The following PLXNB1 variants were observed in gnomAD, a reference collection of about 807,000 sequenced individuals.
PLXNB1 encodes plexin B1.
A neutral mutation model predicts 209.4 loss-of-function variants in PLXNB1; 106 were observed. The ratio of observed to expected loss-of-function variants is 0.51; its 90% CI spans 0.43 to 0.59. The LOEUF (loss-of-function observed/expected upper bound fraction) is 0.59. Among genes scored for constraint, PLXNB1 ranks in the 20% least tolerant of loss-of-function variants. The pLI is 0.00. For synonymous variants in PLXNB1, 1,167 were observed against 1,183.2 expected (o/e 0.99, Z 0.28); for missense variants, 2,357 against 2,853.2 (o/e 0.83, Z 3.96).
In PLXNB1 at chr3:48,404,582, A is replaced by C. The variant is rs1335377599; in HGVS notation, c.6312T>G (p.Thr2104=). 1.2e-6 allele frequency: 2 copies of C among 1,610,908 alleles called. No individual in the cohort carries two copies. Among genetic ancestry groups the C allele is most frequent in the African/African-American group, 1.3e-5 (1 of 74,796 alleles). ...GGGCCGTGCCATCCTCCTCCAGGGC[A>C]GTGATGATCTGAAACAGAGACCAAT... ...YINKYYDQII[T]ALEEDGTAQK... is the part of the protein sequence containing the mutation. Residue 2104 remains threonine, a synonymous_variant, in exon 38 of 38, where the codon ACT becomes ACG. Coordinates refer to ENST00000296440, the MANE Select transcript of PLXNB1 (RefSeq NM_001130082.3).
intron 24 of PLXNB1, 28 bp from the exon 25 acceptor site, chr3:48,412,987 C>T (rs552593490): frequency 1.2e-6 from 2 of 1,611,504 alleles, no homozygotes; most frequent in East Asian, 4.5e-5. Flanking sequence ...CCAGGTTAAG[C>T]ACCTGTTAAG....
Position 48,424,261 on chromosome 3 carries a change from C to G in PLXNB1, c.351G>C (p.Gly117=). The G allele has an allele frequency of 1.3e-6, 2 of 1,599,638 alleles. No homozygotes were observed. Among genetic ancestry groups the G allele is most frequent in the Non-Finnish European group, 1.7e-6 (2 of 1,173,544 alleles). The change falls in exon 3 of 38, where the codon GGG becomes GGC. Residue 117 remains glycine (G), a synonymous_variant. Coordinates refer to ENST00000296440, the MANE Select transcript of PLXNB1 (RefSeq NM_001130082.3). ...ALVVCGSVHQ[G]VCEQRRLGQL... ...GCCCCAGGCGCCGCTGTTCACAGACCCCCTGGTGCACGCTCCCGCATACCA... is the reference window on the plus strand; with the variant it reads ...GCCCCAGGCGCCGCTGTTCACAGACGCCCTGGTGCACGCTCCCGCATACCA...
In PLXNB1 at chr3:48,420,119, C is replaced by G. The variant is rs777007476; in HGVS notation, c.2167G>C (p.Asp723His). The G allele has an allele frequency of 6.2e-7, 1 of 1,613,114 alleles. No homozygotes were observed. The highest frequency in any genetic ancestry group is 8.5e-7 in the Non-Finnish European group (1 of 1,179,796). Residue 723 changes from aspartate (D) to histidine (H), a missense_variant, in exon 11 of 38, where the codon GAC becomes CAC. By Grantham distance (81) the Asp-to-His change is moderately conservative. Around this residue, in one of 7 missense-constraint regions of PLXNB1, gnomAD observed 410 missense variants for 401.0 expected, o/e 1.02. Transcript: ENST00000296440. ...GAAGGACTAGCCCCAGGTGAGATGT[C>G]CGAAGCTGTGGCTGTGGAGGGAGCC... ...PGAPSTATAS[D>H]ISPGASPSLL...
intron 34 of PLXNB1, among the ~76,000 whole-genome samples, chr3:48,408,343 T>C (rs1450349267): frequency 6.6e-6 from 1 of 152,040 alleles, no homozygotes; most frequent in Non-Finnish European, 1.5e-5. Flanking sequence ...GGTGTAGGGA[T>C]GTATCTCTCA....
At chr3:48,421,205 G>A (rs766807496) in intron 8 of PLXNB1, 23 bp downstream of exon 8, 2 of 1,610,350 alleles carry the variant, frequency 1.2e-6, no homozygotes, top group Admixed American at 3.4e-5. Context: ...GCCCCCACCA[G>A]GCTGGCCCAT....
chr3:48,406,089 AC>A lies in PLXNB1; in HGVS notation c.6229-292del. 1 of 354,262 alleles carries A rather than the reference AC, an allele frequency of 2.8e-6. No homozygotes were observed. Among genetic ancestry groups the A allele is most frequent in the Non-Finnish European group, 5.4e-6 (1 of 184,614 alleles). 21.9% of individuals were successfully genotyped at this position (354,262 alleles called of 1,614,324 possible). A position where few individuals can be genotyped will look rare whatever the true frequency, so the allele number is the denominator to read the frequency against. ...TTTCCACTGAAGCCCTGCCTCTCTC[AC>A]CCCCTTGAGGTTCTAGCCCAGACCC... On this transcript the variant is annotated intron_variant, in intron 36 of 37. Transcript: ENST00000296440. This position sits in a 1 kb window ranked among gnomAD's most constrained non-coding sequence, Gnocchi z 4.4.
chr3:48,406,724 G>T lies in PLXNB1; in HGVS notation c.6228+99C>A. ...CCCAACCAGCTCACAGGGCTGCTGA[G>T]GTTCCCAAGGGCTTCCCTGCAAAGG... On this transcript the variant is annotated intron_variant, in intron 36 of 37. Coordinates refer to ENST00000296440, the MANE Select transcript of PLXNB1 (RefSeq NM_001130082.3). The surrounding 1 kb of genome is among the most constrained non-coding windows in gnomAD (Gnocchi z 4.4). 1 of 1,477,508 alleles carries T rather than the reference G, an allele frequency of 6.8e-7. No homozygotes were observed. The highest frequency in any genetic ancestry group is 9.0e-7 in the Non-Finnish European group (1 of 1,109,772). 91.5% of individuals were successfully genotyped at this position (1,477,508 alleles called of 1,614,324 possible).
In PLXNB1 at chr3:48,415,644, G is replaced by A; in HGVS notation, c.3733C>T (p.Gln1245Ter). 6.3e-7 allele frequency: 1 copy of A among 1,579,636 alleles called. No homozygotes were observed. Among genetic ancestry groups the A allele is most frequent in the Non-Finnish European group, 8.6e-7 (1 of 1,162,450 alleles). The change falls in exon 19 of 38, where the codon CAG becomes TAG. Residue 1245 changes from glutamine to a stop codon, truncating the protein, a stop_gained. Coordinates refer to ENST00000296440, the MANE Select transcript of PLXNB1 (RefSeq NM_001130082.3). LOFTEE classifies it high-confidence loss of function. The surrounding 1 kb of genome is among the most constrained non-coding windows in gnomAD (Gnocchi z 5.0). ...GATERRLQRGQFKYTLDPNIT... is the reference protein window; with the variant it reads ...GATERRLQRG ...TTGGGGTCCAAGGTATACTTGAACT[G>A]TCCGCGTTGAAGCCTCCGCTCCGTG...
rs995074254 is a variant in PLXNB1 at position 48,417,269 on chromosome 3, T to C, written c.3374+642A>G. Among the ~76,000 whole-genome samples, 9 of 152,192 alleles carry C rather than the reference T, an allele frequency of 5.9e-5. No individual in the cohort carries two copies. Among genetic ancestry groups the C allele is most frequent in the Non-Finnish European group, 1.2e-4 (8 of 68,038 alleles). ...TGGGCCTCCTGAATCCAGATGTTTG[T>C]GTTGGTTTGGGACAGGATCTGCAGG... is the stretch of plus-strand genomic sequence containing the variant. On this transcript the variant is annotated intron_variant, in intron 16 of 37. Transcript: ENST00000296440. This position sits in a 1 kb window ranked among gnomAD's most constrained non-coding sequence, Gnocchi z 4.4.
rs530674791 is a variant in PLXNB1, at chr3:48,412,372, C to A, written c.5034-68G>T. On this transcript the variant is annotated intron_variant, in intron 26 of 37. Coordinates refer to ENST00000296440, the MANE Select transcript of PLXNB1 (RefSeq NM_001130082.3). The stretch of plus-strand genomic sequence containing the variant: ...GCTGCGGGCCTCTCTATCCTGCAGA[C>A]CCCCCAGCCCGAGGCCCCACCCCAG... 8 of 1,608,580 alleles carry A rather than the reference C, an allele frequency of 5.0e-6. No homozygotes were observed. The South Asian group carries it at 7.7e-5, about 15-fold the overall frequency.
chr3:48,411,475 C>T lies in PLXNB1; in HGVS notation c.5247+388G>A, dbSNP rs765378563. 3.0e-4 allele frequency among the ~76,000 whole-genome samples: 45 copies of T among 152,144 alleles called. No individual in the cohort carries two copies. Among genetic ancestry groups the T allele is most frequent in the Admixed American group, 3.9e-4 (6 of 15,284 alleles). On this transcript the variant is annotated intron_variant, in intron 28 of 37. Transcript: ENST00000296440. The surrounding 1 kb of genome is among the most constrained non-coding windows in gnomAD (Gnocchi z 4.0). ...GTGCGTAACTAAGGGGAAAGCAAAC[C>T]CAGAGAGAAGTGCCTGCCAGAGTGA...
chr3:48,419,360 C>T lies in PLXNB1; in HGVS notation c.2716G>A (p.Ala906Thr). The change falls in exon 12 of 38, where the codon GCG (alanine) becomes ACG (threonine). Residue 906 changes from alanine to threonine, a missense_variant. This residue lies in a region of PLXNB1 where 410 missense variants were observed against 401.0 expected (regional missense o/e 1.02). Transcript: ENST00000296440. The surrounding 1 kb of genome is among the most constrained non-coding windows in gnomAD (Gnocchi z 5.7). Reference protein sequence around the residue: ...DTPGLWELEEATLGASSCPCV... With the variant: ...DTPGLWELEETTLGASSCPCV... ...GGGCAGGAGCTTGCCCCCAAGGTCG[C>T]CTCTTCCTGCAGGCACCAAGGGCAA... 3.8e-6 allele frequency: 6 copies of T among 1,561,152 alleles called. No homozygotes were observed. The highest frequency in any genetic ancestry group is 5.2e-6 in the Non-Finnish European group (6 of 1,150,202).
Position 48,424,462 on chromosome 3 carries a change from C to A in PLXNB1, c.150G>T (p.Gly50=). 1 of 1,597,542 alleles carries A rather than the reference C, an allele frequency of 6.3e-7. No homozygotes were observed. Among genetic ancestry groups the A allele is most frequent in the Non-Finnish European group, 8.5e-7 (1 of 1,172,090 alleles). Residue 50 remains glycine, a synonymous_variant, in exon 3 of 38, where the codon GGG becomes GGT. Transcript: ENST00000296440. ...TCAGCTGGAACAGGAAGTTGGTAGC[C>A]CCCAGGTAGAGGGTGCCTGAGGTGG... ...RDPTSGTLYL[G]ATNFLFQLSP... is the part of the protein sequence containing the mutation.
At position 48,406,784 on chromosome 3, in the gene PLXNB1, A is replaced by C. The variant is rs754098011; in HGVS notation, c.6228+39T>G. 3 of 1,524,720 alleles carry C rather than the reference A, an allele frequency of 2.0e-6. No individual in the cohort carries two copies. The highest frequency in any genetic ancestry group is 2.6e-6 in the Non-Finnish European group (3 of 1,137,966). 94.4% of individuals were successfully genotyped at this position (1,524,720 alleles called of 1,614,324 possible). A position where few individuals can be genotyped will look rare whatever the true frequency, so the allele number is the denominator to read the frequency against. ...AAGGGGGAAGGACCGTTGTGGCAGG[A>C]GGCCTATGCCCAACCCAAGAAGCAG... is the stretch of plus-strand genomic sequence containing the variant. On this transcript the variant is annotated intron_variant, in intron 36 of 37. Coordinates refer to ENST00000296440, the MANE Select transcript of PLXNB1 (RefSeq NM_001130082.3). The surrounding 1 kb of genome is among the most constrained non-coding windows in gnomAD (Gnocchi z 4.4).
Position 48,419,659 on chromosome 3 carries a change from G to C in PLXNB1, c.2627C>G (p.Ala876Gly), listed in dbSNP as rs997127348. Residue 876 changes from alanine to glycine, a missense_variant, in exon 11 of 38, where the codon GCA (alanine) becomes GGA (glycine). Physicochemically the swap from Ala to Gly is moderately conservative, Grantham distance 60 (BLOSUM62 0). Coordinates refer to ENST00000296440, the MANE Select transcript of PLXNB1 (RefSeq NM_001130082.3). This position sits in a 1 kb window ranked among gnomAD's most constrained non-coding sequence, Gnocchi z 5.7. ...GGGGGCGGGAGGGCCCTCAAGCTCT[G>C]CTGAGTCTCCATCACCTGAGAGGAG... is the stretch of plus-strand genomic sequence containing the variant. ...STLLSGDGDS[A>G]ELEGPPAPLI... 31 of 1,612,458 alleles carry C rather than the reference G, an allele frequency of 1.9e-5. No homozygotes were observed. The highest frequency in any genetic ancestry group is 2.4e-5 in the Non-Finnish European group (28 of 1,179,942).
At position 48,411,798 on chromosome 3, in the gene PLXNB1, C is replaced by T; in HGVS notation, c.5247+65G>A. The T allele has an allele frequency of 6.4e-7, 1 of 1,567,078 alleles. No homozygotes were observed. The highest frequency in any genetic ancestry group is 8.7e-7 in the Non-Finnish European group (1 of 1,149,968). On this transcript the variant is annotated intron_variant, in intron 28 of 37. Transcript: ENST00000296440. This position sits in a 1 kb window ranked among gnomAD's most constrained non-coding sequence, Gnocchi z 4.0. ...AGCTGGTGTCCAGACCCCACACACC[C>T]ACACACTCTCCACCCTCGCCCTCAC...
Position 48,423,732 on chromosome 3 carries a change from A to G in PLXNB1, c.880T>C (p.Phe294Leu). ...GGTGCAGCCGAGGAGAAAGCTGCAAAGAGCACCTCCCCATGCGCCACCTCC... is the reference window on the plus strand; with the variant it reads ...GGTGCAGCCGAGGAGAAAGCTGCAAGGAGCACCTCCCCATGCGCCACCTCC... ...SREVAHGEVL[F>L]AAFSSAAPPT... The change falls in exon 3 of 38, where the codon TTT (phenylalanine) becomes CTT (leucine). Residue 294 changes from phenylalanine to leucine, a missense_variant. Physicochemically the swap from Phe to Leu is conservative, Grantham distance 22. Transcript: ENST00000296440. 1 of 1,613,812 alleles carries G rather than the reference A, an allele frequency of 6.2e-7. No homozygotes were observed.
In PLXNB1 at chr3:48,413,590, C is replaced by T; in HGVS notation, c.4535+80G>A. The T allele has an allele frequency of 7.1e-7, 1 of 1,416,992 alleles. No homozygotes were observed. The highest frequency in any genetic ancestry group is 9.5e-7 in the Non-Finnish European group (1 of 1,048,154). The allele number at this position is 1,416,992 out of a possible 1,614,324, so 87.8% of individuals were successfully genotyped here. ...GCCATTTACAGAGAATGTTTCCTGA[C>T]TCCTGGCCCGGTCTGTCCCTTCCCA... On this transcript the variant is annotated intron_variant, in intron 23 of 37. Coordinates refer to ENST00000296440, the MANE Select transcript of PLXNB1 (RefSeq NM_001130082.3). The surrounding 1 kb of genome is among the most constrained non-coding windows in gnomAD (Gnocchi z 5.4).
Position 48,422,090 on chromosome 3 carries a change from G to C in PLXNB1, c.1520+15C>G, listed in dbSNP as rs1439549782. ...GGGCTTGAGGCTGGGGCTGGGATGG[G>C]GTCAGAAATCTGACCTGCCAAGGAG... On this transcript the variant is annotated intron_variant, in intron 6 of 37. Transcript: ENST00000296440. The C allele has an allele frequency of 6.2e-7, 1 of 1,604,484 alleles. No individual in the cohort carries two copies. Among genetic ancestry groups the C allele is most frequent in the South Asian group, 1.1e-5 (1 of 90,828 alleles).
Sources: allele counts gnomAD v4.1 joint callset (sites outside exome capture counted in the v4.1 genomes callset), GRCh38; gene constraint gnomAD v4.1.1; regional missense constraint gnomAD v4.1.1; non-coding constraint Gnocchi (gnomAD v3.1); transcripts MANE v1.5; gene names NCBI Gene and HGNC (gene_info 2026-07-23, HGNC 2026-07-21).